KYNU: variants seen among roughly 807,000 people sequenced by gnomAD.
KYNU encodes kynureninase, also known as L-kynurenine hydrolase.
KYNU carries 54 observed loss-of-function variants against 59.2 expected under a neutral mutation model. The ratio of observed to expected loss-of-function variants is 0.91; its 90% CI spans 0.73 to 1.14. The LOEUF (loss-of-function observed/expected upper bound fraction) is 1.14. KYNU is among the 50% of genes most tolerant of loss of function. The pLI, the probability that KYNU is intolerant of heterozygous loss-of-function variation, is 0.00. For synonymous variants in KYNU, 177 were observed against 192.0 expected (o/e 0.92, Z 0.65); for missense variants, 567 against 554.4 (o/e 1.02, Z -0.23).
chr2:142,972,819 G>C (rs1022587224), intron 8 of KYNU, among the ~76,000 whole-genome samples: 3 of 143,570 alleles, frequency 2.1e-5, no homozygotes, highest in South Asian at 2.3e-4. Context: ...TATATAGAGA[G>C]AGAGAGAGAG....
chr2:142,929,750 T>C (rs963057747), intron 4 of KYNU, among the ~76,000 whole-genome samples: 2 of 152,168 alleles, frequency 1.3e-5, no homozygotes, highest in Non-Finnish European at 1.5e-5. Context: ...AGTTAAGTTA[T>C]TATCTAAAAA....
At chr2:143,019,965 C>G (rs549261118) in intron 10 of KYNU, among the ~76,000 whole-genome samples, 55 of 151,966 alleles carry the variant, frequency 3.6e-4, no homozygotes, top group African/African-American at 1.2e-3. Flanking sequence ...TCTGTGGTAT[C>G]AGTTGTAATA....
At chr2:143,017,122 G>A (rs1005508994) in intron 10 of KYNU, among the ~76,000 whole-genome samples, 1 of 152,108 alleles carries the variant, frequency 6.6e-6, no homozygotes, top group Admixed American at 6.5e-5. Flanking sequence ...TTGTGTATAT[G>A]TACCATATTT....
At chr2:143,003,824 C>T (rs1234466056) in intron 10 of KYNU, among the ~76,000 whole-genome samples, 1 of 152,034 alleles carries the variant, frequency 6.6e-6, no homozygotes, top group Admixed American at 6.5e-5. Context: ...AGGGAAATAA[C>T]CTAATGGTGT....
At chr2:143,007,115 T>C (rs375470485) in intron 10 of KYNU, among the ~76,000 whole-genome samples, 13 of 152,024 alleles carry the variant, frequency 8.6e-5, no homozygotes, top group South Asian at 4.2e-4. Flanking sequence ...CTCTGAGCTA[T>C]GGGAGGACAT....
chr2:142,967,803 G>A (rs995497880), intron 8 of KYNU, among the ~76,000 whole-genome samples: 13 of 152,116 alleles, frequency 8.5e-5, no homozygotes, highest in East Asian at 5.8e-4. Flanking sequence ...ATCAACTGTC[G>A]TAATATTATA....
intron 10 of KYNU, among the ~76,000 whole-genome samples, chr2:143,012,656 T>C (rs914741969): frequency 3.9e-5 from 6 of 152,224 alleles, no homozygotes; most frequent in African/African-American, 1.4e-4. Context: ...GTCGCTGTAG[T>C]GAAGCAGATT....
At chr2:142,959,907 G>A (rs551721990) in intron 7 of KYNU, among the ~76,000 whole-genome samples, 2 of 146,680 alleles carry the variant, frequency 1.4e-5, no homozygotes, top group South Asian at 2.1e-4. Context: ...TAAGTGTTAT[G>A]TTTTCTTTGG....
At chr2:142,950,464 G>A (rs112934598) in intron 4 of KYNU, among the ~76,000 whole-genome samples, 9,915 of 152,236 alleles carry the variant, frequency 0.065, 471 homozygotes, top group Non-Finnish European at 0.088. Flanking sequence ...AGGCAAGGAG[G>A]AGCAAATCAC....
intron 10 of KYNU, among the ~76,000 whole-genome samples, chr2:143,023,847 A>T (rs910672383): frequency 6.6e-6 from 1 of 151,872 alleles, no homozygotes. Flanking sequence ...AAGACTTTTT[A>T]AAAAAGCTTT....
At chr2:142,924,120 T>C (rs548136892) in intron 3 of KYNU, among the ~76,000 whole-genome samples, 1 of 152,306 alleles carries the variant, frequency 6.6e-6, no homozygotes, top group Admixed American at 6.5e-5. Context: ...CATTCTTTTT[T>C]TGGAGTCAGG....
Position 142,910,181 on chromosome 2 carries a change from G to C in KYNU, c.170-8428G>C, listed in dbSNP as rs1285408081. 2.5e-5 allele frequency among the ~76,000 whole-genome samples: 3 copies of C among 120,950 alleles called. No homozygotes were observed. The East Asian group carries it at 8.1e-4, about 32-fold the overall frequency. 79.3% of individuals were successfully genotyped at this position (120,950 alleles called of 152,430 possible). ...AGACAGAGTCTTGCTCTGTCCCCCA[G>C]GCTGGAGTGCAGTGGTGTGATCTCG... On this transcript the variant is annotated intron_variant, in intron 2 of 13. Coordinates refer to ENST00000264170, the MANE Select transcript of KYNU (RefSeq NM_003937.3).
At chr2:142,977,372 G>GAGTTATATAT (rs1553484697) in intron 8 of KYNU, among the ~76,000 whole-genome samples, 1 of 131,152 alleles carries the variant, frequency 7.6e-6, no homozygotes, top group African/African-American at 2.9e-5. Flanking sequence ...ATTTTGTGTG[G>GAGTTATATAT]ATATATATAT....
rs1687229864 is a variant in KYNU, at chr2:143,049,554, G to T, written c.*7382G>T. 1 of 152,216 alleles carries T rather than the reference G, an allele frequency of 6.6e-6. No individual in the cohort carries two copies. Among genetic ancestry groups the T allele is most frequent in the Admixed American group, 6.6e-5 (1 of 15,262 alleles). 9.4% of individuals were successfully genotyped at this position (152,216 alleles called of 1,614,324 possible). On this transcript the variant is annotated 3_prime_UTR_variant, in exon 14 of 14. Transcript: ENST00000264170. ...ACCCCTTCTCTGTGGATTAGACCAT[G>T]ACTAGAAGTTTCCTGAGACCATCCC...
intron 4 of KYNU, among the ~76,000 whole-genome samples, chr2:142,928,320 T>C (rs994242064): frequency 2.6e-5 from 4 of 152,208 alleles, no homozygotes; most frequent in Admixed American, 6.5e-5. Flanking sequence ...TTTGAAAAAA[T>C]TTATTTAATT....
At chr2:142,907,008 C>T (rs1004643788) in intron 2 of KYNU, among the ~76,000 whole-genome samples, 1 of 152,180 alleles carries the variant, frequency 6.6e-6, no homozygotes, top group Non-Finnish European at 1.5e-5. Flanking sequence ...TCGTTTTTAA[C>T]CAGCCGACAG....
intron 10 of KYNU, among the ~76,000 whole-genome samples, chr2:142,997,802 A>G (rs1685585329): frequency 1.3e-5 from 2 of 152,132 alleles, no homozygotes; most frequent in African/African-American, 2.4e-5. Context: ...AAGTTAATGA[A>G]TGACATATTT....
intron 10 of KYNU, among the ~76,000 whole-genome samples, chr2:142,987,321 T>G (rs1239085062): frequency 6.6e-6 from 1 of 150,400 alleles, no homozygotes; most frequent in African/African-American, 2.4e-5. Context: ...GGAGGTGGGG[T>G]GGGGGGGAAG....
chr2:142,973,767 G>A (rs776736296), intron 8 of KYNU, among the ~76,000 whole-genome samples: 2 of 152,016 alleles, frequency 1.3e-5, no homozygotes, highest in African/African-American at 4.8e-5. Flanking sequence ...TTTACGTCAG[G>A]CTCTGGGTTT....
Sources: allele counts gnomAD v4.1 joint callset (sites outside exome capture counted in the v4.1 genomes callset), GRCh38; gene constraint gnomAD v4.1.1; transcripts MANE v1.5; gene names NCBI Gene and HGNC (gene_info 2026-07-23, HGNC 2026-07-21).